JAK1: variants seen among roughly 807,000 people sequenced by gnomAD.
The protein encoded by JAK1 is tyrosine-protein kinase JAK1.
In JAK1, 16 loss-of-function variants were observed where a neutral mutation model predicts 136.6. The ratio of observed to expected loss-of-function variants is 0.12; its 90% CI spans 0.08 to 0.18. The LOEUF is 0.18. Ranked by LOEUF, JAK1 falls within the 10% of genes least tolerant of loss-of-function variation. JAK1 has a pLI of 1.00. For missense variants in JAK1, 859 were observed against 1,450.1 expected (o/e 0.59, Z 6.62); for synonymous variants, 492 against 519.5 (o/e 0.95, Z 0.72).
intron 2 of JAK1, among the ~76,000 whole-genome samples, chr1:64,980,583 T>C (rs1396515265): frequency 1.3e-5 from 2 of 151,758 alleles, no homozygotes; most frequent in African/African-American, 4.8e-5. Context: ...TTTTTTTATA[T>C]ATATATATAC....
At position 64,869,379 on chromosome 1, in the gene JAK1, A is replaced by G. The variant is rs45598436; in HGVS notation, c.579T>C (p.Ala193=). The G allele has an allele frequency of 0.091, 147,099 of 1,613,434 alleles. 7,752 individuals carry two copies. The highest frequency in any genetic ancestry group is 0.1 in the Non-Finnish European group (123,378 of 1,179,400). Residue 193 remains alanine (A), a synonymous_variant, in exon 6 of 25, where the codon GCT becomes GCC. Coordinates refer to ENST00000342505, the MANE Select transcript of JAK1 (RefSeq NM_002227.4). ...TGGCATAGTGTGAGATGGCCAGGAC[A>G]GCCATCCCTAGACACTCGTTCTCAA... ...HDIENECLGM[A]VLAISHYAMM...
chr1:64,953,164 G>A (rs1350731751), intron 1 of JAK1, among the ~76,000 whole-genome samples: 3 of 152,308 alleles, frequency 2.0e-5, no homozygotes, highest in East Asian at 3.9e-4. Flanking sequence ...TAAACATTAT[G>A]TAATCATTTA....
chr1:64,836,730 C>A (rs2780816), intron 22 of JAK1, among the ~76,000 whole-genome samples: 55,301 of 151,908 alleles, frequency 0.36, 12,536 homozygotes, highest in African/African-American at 0.65. Context: ...TACTGTCACT[C>A]TCCCAGTCCC....
intron 1 of JAK1, among the ~76,000 whole-genome samples, chr1:64,959,275 A>G (rs781094265): frequency 6.6e-6 from 1 of 152,228 alleles, no homozygotes; most frequent in East Asian, 1.9e-4. Flanking sequence ...ACACACATCT[A>G]TGATTAGGAG....
intron 1 of JAK1, among the ~76,000 whole-genome samples, chr1:64,916,628 T>C (rs1415737533): frequency 6.6e-6 from 1 of 152,072 alleles, no homozygotes; most frequent in Non-Finnish European, 1.5e-5. Context: ...TCTTGAGGTC[T>C]GGAGTTCAAG....
intron 1 of JAK1, among the ~76,000 whole-genome samples, chr1:65,053,050 A>G (rs1647360202): frequency 6.9e-6 from 1 of 144,012 alleles, no homozygotes; most frequent in Admixed American, 7.0e-5. Context: ...AAAAAAAAAA[A>G]AAAAAAGACT....
At chr1:64,953,033 C>G (rs1489652619) in intron 1 of JAK1, among the ~76,000 whole-genome samples, 1 of 152,156 alleles carries the variant, frequency 6.6e-6, no homozygotes, top group Non-Finnish European at 1.5e-5. Context: ...GAGTCTAAAC[C>G]ACTATCTTAT....
intron 7 of JAK1, among the ~76,000 whole-genome samples, chr1:64,866,545 T>G (rs1656718654): frequency 6.6e-6 from 1 of 152,248 alleles, no homozygotes; most frequent in Non-Finnish European, 1.5e-5. Flanking sequence ...GGTTTTTTTA[T>G]TTTTAGAAAT....
chr1:64,924,116 T>C (rs1466133821), intron 1 of JAK1, among the ~76,000 whole-genome samples: 1 of 152,206 alleles, frequency 6.6e-6, no homozygotes, highest in Non-Finnish European at 1.5e-5. Flanking sequence ...TTATTCTTGA[T>C]GACACAAATA....
intron 2 of JAK1, chr1:64,987,804 A>G (rs1284421600): frequency 1.3e-5 from 2 of 152,210 alleles, no homozygotes; most frequent in African/African-American, 4.8e-5. Flanking sequence ...AGACCTAAAG[A>G]TAGAAAGGGG....
intron 1 of JAK1, among the ~76,000 whole-genome samples, chr1:64,961,156 G>A (rs544527815): frequency 8.5e-5 from 13 of 152,140 alleles, no homozygotes; most frequent in South Asian, 4.1e-4. Flanking sequence ...AAACCAGTTA[G>A]ATAAACTGTC....
chr1:64,860,991 C>T (rs1375560154), intron 8 of JAK1, among the ~76,000 whole-genome samples: 2 of 125,052 alleles, frequency 1.6e-5, no homozygotes, highest in Non-Finnish European at 3.3e-5. Context: ...TTGGGGGTGA[C>T]GCGGTGGGGG....
At chr1:65,054,594 A>G (rs1265916795) in intron 1 of JAK1, among the ~76,000 whole-genome samples, 1 of 152,166 alleles carries the variant, frequency 6.6e-6, no homozygotes, top group Non-Finnish European at 1.5e-5. Flanking sequence ...AAAAAACTCC[A>G]AAGAATTTCA....
At chr1:65,017,529 A>C (rs1336741167) in intron 2 of JAK1, among the ~76,000 whole-genome samples, 1 of 152,180 alleles carries the variant, frequency 6.6e-6, no homozygotes, top group Non-Finnish European at 1.5e-5. Flanking sequence ...AATAAAACTG[A>C]TCTAATAGAG....
intron 20 of JAK1, 164 bp downstream of exon 20, chr1:64,839,439 G>T: frequency 1.7e-6 from 1 of 589,186 alleles, no homozygotes; most frequent in Non-Finnish European, 2.9e-6. Flanking sequence ...TGCAGCTGCT[G>T]AGGGATTTGA....
chr1:65,044,211 G>C (rs1464886677), intron 2 of JAK1, among the ~76,000 whole-genome samples: 1 of 152,194 alleles, frequency 6.6e-6, no homozygotes, highest in African/African-American at 2.4e-5. Context: ...GGATAGACTA[G>C]TGGTTGGCAA....
chr1:65,053,674 A>C (rs1286133184), intron 1 of JAK1, among the ~76,000 whole-genome samples: 2 of 151,990 alleles, frequency 1.3e-5, no homozygotes, highest in African/African-American at 4.8e-5. Flanking sequence ...AACAGTGAAA[A>C]CCTGTCTCTA....
chr1:64,951,672 T>C (rs1287657662), intron 1 of JAK1, among the ~76,000 whole-genome samples: 2 of 126,990 alleles, frequency 1.6e-5, no homozygotes, highest in Non-Finnish European at 3.2e-5. Flanking sequence ...TTTTTTTTTT[T>C]TTTTGAGACG....
intron 1 of JAK1, among the ~76,000 whole-genome samples, chr1:65,047,332 G>C (rs1557773355): frequency 6.6e-6 from 1 of 152,202 alleles, no homozygotes; most frequent in Admixed American, 6.5e-5. Context: ...TTCCATATCT[G>C]TAAATGGGAT....
Sources: allele counts gnomAD v4.1 joint callset (sites outside exome capture counted in the v4.1 genomes callset), GRCh38; gene constraint gnomAD v4.1.1; transcripts MANE v1.5; gene names NCBI Gene and HGNC (gene_info 2026-07-23, HGNC 2026-07-21).